AUTS2: variants seen among roughly 807,000 people sequenced by gnomAD.
The protein encoded by AUTS2 is autism susceptibility gene 2 protein.
In AUTS2, 17 loss-of-function variants were observed where a neutral mutation model predicts 112.4. That is an observed-to-expected ratio of 0.15 (90% CI 0.10 to 0.23). AUTS2 has a LOEUF of 0.23. Ranked by LOEUF, AUTS2 falls within the 10% of genes least tolerant of loss-of-function variation. The pLI is 1.00. For missense variants in AUTS2, 1,510 were observed against 1,701.6 expected (o/e 0.89, Z 1.98); for synonymous variants, 751 against 702.7 (o/e 1.07, Z -1.09).
At chr7:70,725,418 G>A (rs192652678) in intron 6 of AUTS2, among the ~76,000 whole-genome samples, 147 of 152,194 alleles carry the variant, frequency 9.7e-4, no homozygotes, top group Non-Finnish European at 1.2e-3. Context: ...TTTTAATAAG[G>A]GCAACTGTTG....
intron 1 of AUTS2, among the ~76,000 whole-genome samples, chr7:69,632,525 C>T (rs574846227): frequency 5.3e-5 from 8 of 150,044 alleles, no homozygotes; most frequent in East Asian, 2.0e-4. Flanking sequence ...TCCACCCCCT[C>T]TCCTCCCTTC....
chr7:70,701,101 C>A (rs1403287975), intron 6 of AUTS2, among the ~76,000 whole-genome samples: 1 of 152,238 alleles, frequency 6.6e-6, no homozygotes, highest in African/African-American at 2.4e-5. Flanking sequence ...TTCTCCCTCT[C>A]AAGAGACTGG....
At chr7:69,806,945 G>C (rs1041908144) in intron 1 of AUTS2, among the ~76,000 whole-genome samples, 2 of 152,030 alleles carry the variant, frequency 1.3e-5, no homozygotes, top group African/African-American at 4.8e-5. Flanking sequence ...TTAGAGACCT[G>C]TTCTTTCTGC....
intron 4 of AUTS2, among the ~76,000 whole-genome samples, chr7:70,140,313 G>T (rs1806794108): frequency 1.3e-5 from 2 of 152,256 alleles, no homozygotes; most frequent in Admixed American, 6.5e-5. Context: ...GCTGCAAAAT[G>T]GTGATATTGC....
intron 1 of AUTS2, among the ~76,000 whole-genome samples, chr7:69,782,611 A>T (rs916592546): frequency 1.3e-5 from 2 of 151,892 alleles, no homozygotes; most frequent in African/African-American, 4.8e-5. Context: ...GTTGGTATGC[A>T]CTCGAGAACT....
At chr7:69,915,927 C>A (rs1329186945) in intron 2 of AUTS2, among the ~76,000 whole-genome samples, 1 of 152,200 alleles carries the variant, frequency 6.6e-6, no homozygotes, top group Non-Finnish European at 1.5e-5. Context: ...CCGTGGTGCC[C>A]AGGCTGGTCT....
chr7:70,157,280 T>G (rs1271530384), intron 4 of AUTS2, among the ~76,000 whole-genome samples: 1 of 151,958 alleles, frequency 6.6e-6, no homozygotes, highest in African/African-American at 2.4e-5. Context: ...CTTTTTCTCC[T>G]TTTTTTGTTT....
At chr7:70,431,974 G>A (rs1186260784) in intron 4 of AUTS2, among the ~76,000 whole-genome samples, 1 of 152,222 alleles carries the variant, frequency 6.6e-6, no homozygotes, top group Non-Finnish European at 1.5e-5. Flanking sequence ...TCATGTCTTT[G>A]TCTGAAGGCC....
chr7:70,533,696 C>A (rs1021833270), intron 5 of AUTS2, among the ~76,000 whole-genome samples: 1 of 152,248 alleles, frequency 6.6e-6, no homozygotes, highest in South Asian at 2.1e-4. Context: ...AACCTAGAAT[C>A]TCTGCCGATG....
intron 4 of AUTS2, among the ~76,000 whole-genome samples, chr7:70,335,151 G>C (rs1790931149): frequency 2.0e-5 from 3 of 152,092 alleles, no homozygotes; most frequent in African/African-American, 7.2e-5. Context: ...TGTTTCTCAG[G>C]CTTTCTTATA....
At chr7:69,801,315 A>C (rs1037319683) in intron 1 of AUTS2, among the ~76,000 whole-genome samples, 1 of 151,336 alleles carries the variant, frequency 6.6e-6, no homozygotes, top group Non-Finnish European at 1.5e-5. Flanking sequence ...AACAGAAAGG[A>C]GATGGAAGTT....
chr7:69,801,966 C>T (rs1790106138), intron 1 of AUTS2, among the ~76,000 whole-genome samples: 2 of 152,072 alleles, frequency 1.3e-5, no homozygotes, highest in African/African-American at 4.8e-5. Flanking sequence ...GAGAAGGCAA[C>T]TCTTGAGTAA....
intron 4 of AUTS2, among the ~76,000 whole-genome samples, chr7:70,175,721 CAG>C (rs1562764171): frequency 6.6e-6 from 1 of 152,170 alleles, no homozygotes; most frequent in Non-Finnish European, 1.5e-5. Context: ...CCACCAGACT[CAG>C]GTGTTTGTTA....
chr7:69,662,321 T>C (rs752716562), intron 1 of AUTS2, among the ~76,000 whole-genome samples: 1 of 152,190 alleles, frequency 6.6e-6, no homozygotes, highest in African/African-American at 2.4e-5. Context: ...GGAGGCATTA[T>C]TTTCTGGTTC....
intron 2 of AUTS2, among the ~76,000 whole-genome samples, chr7:70,117,104 G>GTTTTGTTTTTTTTT (rs1562710088): frequency 3.8e-5 from 3 of 78,460 alleles, no homozygotes; most frequent in South Asian, 4.2e-4. Context: ...GATGACTTTT[G>GTTTTGTTTTTTTTT]TTTTTTTTTT....
At chr7:69,754,205 C>G (rs896283700) in intron 1 of AUTS2, among the ~76,000 whole-genome samples, 2 of 152,138 alleles carry the variant, frequency 1.3e-5, no homozygotes, top group Non-Finnish European at 2.9e-5. Flanking sequence ...GGCCCCAACA[C>G]TGTGTGGGAA....
intron 2 of AUTS2, among the ~76,000 whole-genome samples, chr7:70,045,675 C>T (rs1801468788): frequency 6.6e-6 from 1 of 151,644 alleles, no homozygotes; most frequent in Admixed American, 6.6e-5. Flanking sequence ...GTGGTGCAAT[C>T]TCGGCTCACT....
chr7:70,399,630 G>A (rs1794239960), intron 4 of AUTS2, among the ~76,000 whole-genome samples: 1 of 152,072 alleles, frequency 6.6e-6, no homozygotes, highest in African/African-American at 2.4e-5. Flanking sequence ...TTTAGTGAGT[G>A]TCTAAAACAC....
chr7:70,209,405 A>G (rs950707362), intron 4 of AUTS2, among the ~76,000 whole-genome samples: 2 of 152,238 alleles, frequency 1.3e-5, no homozygotes, highest in Non-Finnish European at 2.9e-5. Context: ...AAAAGATGTC[A>G]TCTGGGCAGG....
Sources: gnomAD v4.1 joint callset for allele counts (sites outside exome capture counted in the v4.1 genomes callset) on GRCh38, gnomAD v4.1.1 for gene constraint, MANE v1.5 for transcripts, NCBI Gene and HGNC (gene_info 2026-07-23, HGNC 2026-07-21) for gene names.